The following ZMAT5 variants were observed in gnomAD, a reference collection of about 807,000 sequenced individuals.
ZMAT5 encodes the protein zinc finger matrin-type protein 5.
ZMAT5 carries 23 observed loss-of-function variants against 28.0 expected under a neutral mutation model. The observed-to-expected ratio is 0.82, with a 90% CI of 0.59 to 1.16. The LOEUF is 1.16. Ranked by LOEUF, ZMAT5 falls within the 50% of genes most tolerant of loss-of-function variation. The probability of loss-of-function intolerance (pLI) is 0.00; values close to 1 mark genes in which losing one functional copy is unlikely to be tolerated. For missense variants in ZMAT5, 173 were observed against 212.7 expected, an observed-to-expected ratio of 0.81 and a Z score of 1.16; for synonymous variants, 76 against 84.1, an observed-to-expected ratio of 0.90 and a Z score of 0.52.
intron 1 of ZMAT5, among the ~76,000 whole-genome samples, chr22:29,751,294 G>C (rs1262757501): frequency 6.6e-6 from 1 of 152,166 alleles, no homozygotes; most frequent in Admixed American, 6.5e-5. Context: ...CCTTGGGCAA[G>C]TCACTTCCTG....
chr22:29,743,834 T>G (rs2067985969), intron 2 of ZMAT5, among the ~76,000 whole-genome samples: 1 of 152,170 alleles, frequency 6.6e-6, no homozygotes, highest in African/African-American at 2.4e-5. Flanking sequence ...CTGAGGATGG[T>G]ATCCTGACTC....
intron 5 of ZMAT5, among the ~76,000 whole-genome samples, chr22:29,737,590 C>T (rs17462966): frequency 0.16 from 23,808 of 152,196 alleles, 2,337 homozygotes; most frequent in Non-Finnish European, 0.22. Context: ...AAGTCGCATG[C>T]GGCTCCTGGG....
rs548456173 is a variant in ZMAT5, at chr22:29,744,612, C to T, written c.128-2132G>A. Among the ~76,000 whole-genome samples, 1,192 of 152,156 alleles carry T rather than the reference C, an allele frequency of 7.8e-3. 14 individuals carry two copies. The highest frequency in any genetic ancestry group is 0.027 in the African/African-American group (1,117 of 41,500). ...CCAAGGCTGGGATGACTGAGGCAGGCGGCGGGACTGAGCCTGGGTCCTATA... is the reference window on the plus strand; with the variant it reads ...CCAAGGCTGGGATGACTGAGGCAGGTGGCGGGACTGAGCCTGGGTCCTATA... On this transcript the variant is annotated intron_variant, in intron 2 of 5. Transcript: ENST00000344318.
chr22:29,741,170 T>C (rs959615143), intron 3 of ZMAT5, among the ~76,000 whole-genome samples: 1 of 152,190 alleles, frequency 6.6e-6, no homozygotes, highest in Non-Finnish European at 1.5e-5. Context: ...ACGGGAGCAA[T>C]TGGACTGCTC....
At chr22:29,741,475 CAT>C (rs1167686619) in intron 3 of ZMAT5, among the ~76,000 whole-genome samples, 8 of 152,212 alleles carry the variant, frequency 5.3e-5, no homozygotes, top group African/African-American at 1.9e-4. Flanking sequence ...TGTGAATCAT[CAT>C]AGTTTTCCTC....
Position 29,731,313 on chromosome 22 carries a change from C to T in ZMAT5, c.425G>A (p.Gly142Asp). The T allele has an allele frequency of 6.5e-7, 1 of 1,531,292 alleles. No individual in the cohort carries two copies. The highest frequency in any genetic ancestry group is 1.7e-4 in the Middle Eastern group (1 of 5,862). 94.9% of individuals were successfully genotyped at this position (1,531,292 alleles called of 1,614,324 possible). A position where few individuals can be genotyped will look rare whatever the true frequency, so the allele number is the denominator to read the frequency against. The change falls in exon 6 of 6, where the codon GGC becomes GAC. Residue 142 changes from glycine (G) to aspartate (D), a missense_variant. By Grantham distance (94) the Gly-to-Asp change is moderately conservative. Transcript: ENST00000344318. Reference sequence around the variant, plus strand: ...AGGCAGCTCCTGAACTGGTGGCCAGCCCACGGGGTACTGGAAGACAGTGGT... The same window carrying T: ...AGGCAGCTCCTGAACTGGTGGCCAGTCCACGGGGTACTGGAAGACAGTGGT... ...IRTTVFQYPVGWPPVQELPPS... is the reference protein window; with the variant it reads ...IRTTVFQYPVDWPPVQELPPS...
Position 29,738,181 on chromosome 22 carries a change from A to G in ZMAT5, c.383+149T>C, listed in dbSNP as rs974530394. 8 of 703,904 alleles carry G rather than the reference A, an allele frequency of 1.1e-5. No homozygotes were observed. The African/African-American group carries it at 1.3e-4, about 11-fold the overall frequency. 43.6% of individuals were successfully genotyped at this position (703,904 alleles called of 1,614,324 possible). On this transcript the variant is annotated intron_variant, in intron 5 of 5. Coordinates refer to ENST00000344318, the MANE Select transcript of ZMAT5 (RefSeq NM_001003692.2). ...CCTCTGGCCAGGGCCTGGGGCCCCA[A>G]GGGCTCCTCGGGGAGCTATGTGTAG...
intron 5 of ZMAT5, among the ~76,000 whole-genome samples, chr22:29,732,170 GC>G (rs1232605562): frequency 6.6e-6 from 1 of 152,216 alleles, no homozygotes; most frequent in Admixed American, 6.5e-5. Context: ...TGGGCCCCAC[GC>G]ATGCTGCTTC....
intron 2 of ZMAT5, among the ~76,000 whole-genome samples, chr22:29,742,815 G>T (rs1436742580): frequency 2.6e-5 from 4 of 152,118 alleles, no homozygotes; most frequent in Non-Finnish European, 5.9e-5. Context: ...TAGAGACAGG[G>T]TCTCGCTCTG....
At chr22:29,742,299 C>G in intron 3 of ZMAT5, 119 bp downstream of exon 3, 2 of 986,236 alleles carry the variant, frequency 2.0e-6, no homozygotes, top group Non-Finnish European at 3.1e-6. Context: ...GGAGCCACTG[C>G]TGCAAAGTGG....
At chr22:29,748,626 C>G (rs530975918) in intron 1 of ZMAT5, 55 bp from the exon 2 acceptor site, 2 of 1,593,354 alleles carry the variant, frequency 1.3e-6, no homozygotes, top group Admixed American at 1.7e-5. Context: ...CATCCCTCAC[C>G]AGCCCACTGA....
chr22:29,731,509 T>C, intron 5 of ZMAT5, 155 bp from the exon 6 acceptor site: 1 of 994,702 alleles, frequency 1.0e-6, no homozygotes, highest in Non-Finnish European at 1.4e-6. Flanking sequence ...AGGCAGACCG[T>C]TTGAGCCAGC....
At chr22:29,747,897 G>A in intron 2 of ZMAT5, 1 of 205,160 alleles carries the variant, frequency 4.9e-6, no homozygotes, top group Non-Finnish European at 1.0e-5. Flanking sequence ...TGTCAAGGCA[G>A]GTCTGGCCAC....
At position 29,748,462 on chromosome 22, in the gene ZMAT5, A is replaced by T. The variant is rs748829475; in HGVS notation, c.83T>A (p.Leu28Gln). The change falls in exon 2 of 6, where the codon CTG becomes CAG. Residue 28 changes from leucine (L) to glutamine (Q), a missense_variant. Physicochemically the swap from Leu to Gln is moderately radical, Grantham distance 113. Transcript: ENST00000344318. ...LHNRKKHLNG[L>Q]QHLKAKKVWY... is the part of the protein sequence containing the mutation. ...GACCTTCTTGGCCTTGAGGTGCTGC[A>T]GCCCGTTCAGGTGCTTCTTGCGGTT... 14 of 1,614,270 alleles carry T rather than the reference A, an allele frequency of 8.7e-6. No homozygotes were observed. The highest frequency in any genetic ancestry group is 1.2e-5 in the Non-Finnish European group (14 of 1,180,048).
At chr22:29,744,443 G>A (rs1018199144) in intron 2 of ZMAT5, among the ~76,000 whole-genome samples, 1 of 151,626 alleles carries the variant, frequency 6.6e-6, no homozygotes, top group Non-Finnish European at 1.5e-5. Flanking sequence ...ATGCCAGGGG[G>A]ACCAGCAGGG....
intron 5 of ZMAT5, chr22:29,731,928 A>G (rs983015544): frequency 1.3e-5 from 2 of 152,190 alleles, no homozygotes; most frequent in African/African-American, 4.8e-5. Flanking sequence ...AAGCCTTTGA[A>G]ATCAGAAAAA....
At chr22:29,756,567 G>A (rs960949334) in intron 1 of ZMAT5, among the ~76,000 whole-genome samples, 4 of 152,138 alleles carry the variant, frequency 2.6e-5, no homozygotes, top group African/African-American at 9.7e-5. Context: ...CGGCAGGTCT[G>A]GGACAGGGCC....
Position 29,742,464 on chromosome 22 carries a change from C to G in ZMAT5, c.144G>C (p.Leu48Phe). ...YDMFRDAAAI[L>F]LDEQNKRPCR... ...AGGGCCGCTTGTTCTGCTCATCCAGCAAGATGGCAGCTGCATCTGCGAGAG... is the reference window on the plus strand; with the variant it reads ...AGGGCCGCTTGTTCTGCTCATCCAGGAAGATGGCAGCTGCATCTGCGAGAG... The change falls in exon 3 of 6, where the codon TTG becomes TTC. Residue 48 changes from leucine to phenylalanine, a missense_variant. Transcript: ENST00000344318. 7 of 1,612,972 alleles carry G rather than the reference C, an allele frequency of 4.3e-6. No homozygotes were observed. Among genetic ancestry groups the G allele is most frequent in the Non-Finnish European group, 5.1e-6 (6 of 1,179,952 alleles).
At chr22:29,764,714 G>A (rs2068190727) in intron 1 of ZMAT5, among the ~76,000 whole-genome samples, 1 of 152,104 alleles carries the variant, frequency 6.6e-6, no homozygotes, top group Non-Finnish European at 1.5e-5. Flanking sequence ...TGTTGGCCAG[G>A]CTAGTCTTGA....
Sources: gnomAD v4.1 joint callset for allele counts (sites outside exome capture counted in the v4.1 genomes callset) on GRCh38, gnomAD v4.1.1 for gene constraint, MANE v1.5 for transcripts, NCBI Gene and HGNC (gene_info 2026-07-23, HGNC 2026-07-21) for gene names.